The following ST3GAL4 variants were observed in gnomAD, a reference collection of about 807,000 sequenced individuals.
ST3GAL4 encodes ST3 beta-galactoside alpha-2,3-sialyltransferase 4, also known as CMP-N-acetylneuraminate-beta-galactosamide-alpha-2,3-sialyltransferase 4.
In ST3GAL4, 24 loss-of-function variants were observed where a neutral mutation model predicts 42.6. That is an observed-to-expected ratio of 0.56 (90% CI 0.41 to 0.79). The LOEUF is 0.79. Ranked by LOEUF, ST3GAL4 falls within the 30% of genes least tolerant of loss-of-function variation. ST3GAL4 has a pLI of 0.00. For synonymous variants in ST3GAL4, 135 were observed against 163.2 expected (o/e 0.83, Z 1.32); for missense variants, 311 against 430.8 (o/e 0.72, Z 2.46).
chr11:126,401,578 GAA>G (rs373164060), intron 1 of ST3GAL4, among the ~76,000 whole-genome samples: 1 of 139,880 alleles, frequency 7.1e-6, no homozygotes, highest in African/African-American at 2.6e-5. Context: ...AGAAGAAGAA[GAA>G]AAAAAAAAAG....
intron 1 of ST3GAL4, among the ~76,000 whole-genome samples, chr11:126,374,497 GA>G (rs1168570792): frequency 6.6e-6 from 1 of 151,318 alleles, no homozygotes; most frequent in East Asian, 1.9e-4. Flanking sequence ...AGGAAAGCTG[GA>G]TGAAGAGAGA....
chr11:126,379,147 A>G lies in ST3GAL4; in HGVS notation c.-61+23305A>G, dbSNP rs1035980350. ...GCCATTTTCCTGAATTGCTCACTCA[A>G]GTGTGTATGGGAGCAGGTTCTAATA... On this transcript the variant is annotated intron_variant, in intron 1 of 10. Transcript: ENST00000444328. This position sits in a 1 kb window ranked among gnomAD's most constrained non-coding sequence, Gnocchi z 4.2. Among the ~76,000 whole-genome samples the G allele has an allele frequency of 6.6e-6, 1 of 152,206 alleles. No homozygotes were observed. Among genetic ancestry groups the G allele is most frequent in the Non-Finnish European group, 1.5e-5 (1 of 68,044 alleles).
chr11:126,358,407 C>G (rs1952143920), intron 1 of ST3GAL4: 1 of 427,688 alleles, frequency 2.3e-6, no homozygotes, highest in Admixed American at 2.6e-5. Context: ...TTGTTGCCCC[C>G]TTCCCAGAGG....
At chr11:126,364,136 TG>T (rs995546770) in intron 1 of ST3GAL4, among the ~76,000 whole-genome samples, 2 of 152,234 alleles carry the variant, frequency 1.3e-5, no homozygotes, top group African/African-American at 4.8e-5. Context: ...GCAGAGGGAA[TG>T]GGGAACAGCT....
chr11:126,409,873 C>G lies in ST3GAL4; in HGVS notation c.771+462C>G, dbSNP rs1020557462. ...CATGATTTGGTATGGTGTGTCAATTCAGGGAGTCAATGTAGTTTTGCAAGT... is the reference window on the plus strand; with the variant it reads ...CATGATTTGGTATGGTGTGTCAATTGAGGGAGTCAATGTAGTTTTGCAAGT... On this transcript the variant is annotated intron_variant, in intron 9 of 10. Transcript: ENST00000444328. The surrounding 1 kb of genome is among the most constrained non-coding windows in gnomAD (Gnocchi z 4.9). Among the ~76,000 whole-genome samples, 7 of 152,128 alleles carry G rather than the reference C, an allele frequency of 4.6e-5. No individual in the cohort carries two copies. Among genetic ancestry groups the G allele is most frequent in the Admixed American group, 1.3e-4 (2 of 15,264 alleles).
rs1555086243 is a variant in ST3GAL4, at chr11:126,388,679, T to TTTC, written c.-60-17415_-60-17413dup. On this transcript the variant is annotated intron_variant, in intron 1 of 10. Coordinates refer to ENST00000444328, the MANE Select transcript of ST3GAL4 (RefSeq NM_001254757.2). The stretch of plus-strand genomic sequence containing the variant: ...TTTCTTGTTTTTTTTTTTTTTTTTT[T>TTTC]TTCTGATTTACGTGAGCACATCATA... Among the ~76,000 whole-genome samples, 43 of 122,716 alleles carry TTTC rather than the reference T, an allele frequency of 3.5e-4. 1 individual carries two copies. Among genetic ancestry groups the TTTC allele is most frequent in the Non-Finnish European group, 3.8e-4 (23 of 60,366 alleles). The allele number at this position is 122,716 out of a possible 152,430, so 80.5% of individuals were successfully genotyped here.
intron 1 of ST3GAL4, among the ~76,000 whole-genome samples, chr11:126,399,305 T>TTTG (rs1555089348): frequency 7.6e-6 from 1 of 131,890 alleles, no homozygotes; most frequent in Non-Finnish European, 1.6e-5. Flanking sequence ...TTCCTTCTTT[T>TTTG]TTTTTTTTTT....
At chr11:126,399,301 CT>C (rs58479155) in intron 1 of ST3GAL4, among the ~76,000 whole-genome samples, 2 of 87,746 alleles carry the variant, frequency 2.3e-5, no homozygotes, top group African/African-American at 4.5e-5. Context: ...TTCTTTCCTT[CT>C]TTTTTTTTTT....
intron 1 of ST3GAL4, among the ~76,000 whole-genome samples, chr11:126,399,054 A>G (rs917618099): frequency 6.6e-6 from 1 of 152,190 alleles, no homozygotes; most frequent in African/African-American, 2.4e-5. Flanking sequence ...TTCTTGATGA[A>G]TAGCCTCTGG....
At chr11:126,365,485 G>A (rs1952391700) in intron 1 of ST3GAL4, among the ~76,000 whole-genome samples, 1 of 152,174 alleles carries the variant, frequency 6.6e-6, no homozygotes, top group South Asian at 2.1e-4. Context: ...TCTCTGCCCT[G>A]GGATATTCCA....
Position 126,406,279 on chromosome 11 carries a change from G to C in ST3GAL4, c.16+108G>C. On this transcript the variant is annotated intron_variant, in intron 2 of 10. Coordinates refer to ENST00000444328, the MANE Select transcript of ST3GAL4 (RefSeq NM_001254757.2). The surrounding 1 kb of genome is among the most constrained non-coding windows in gnomAD (Gnocchi z 5.4). ...CTGTGGAGGGACAGACAGGGAGCCA[G>C]GGGCCCTTCTCTTCATCTTGAAGGA... 1 of 1,546,654 alleles carries C rather than the reference G, an allele frequency of 6.5e-7. No individual in the cohort carries two copies.
At chr11:126,394,905 C>T (rs1455534894) in intron 1 of ST3GAL4, among the ~76,000 whole-genome samples, 3 of 152,136 alleles carry the variant, frequency 2.0e-5, no homozygotes, top group Non-Finnish European at 4.4e-5. Context: ...AGGTGGAAGC[C>T]TGTCTGGCTC....
At chr11:126,371,794 T>C (rs1952661457) in intron 1 of ST3GAL4, among the ~76,000 whole-genome samples, 1 of 152,230 alleles carries the variant, frequency 6.6e-6, no homozygotes, top group Non-Finnish European at 1.5e-5. Context: ...TGCCCGGAAA[T>C]GCAATCGCCA....
In ST3GAL4 at chr11:126,366,648, T is replaced by G. The variant is rs972497695; in HGVS notation, c.-61+10806T>G. On this transcript the variant is annotated intron_variant, in intron 1 of 10. Transcript: ENST00000444328. This position sits in a 1 kb window ranked among gnomAD's most constrained non-coding sequence, Gnocchi z 4.2. ...CAGCCCCTTTAACCCTGCTGGCTCC[T>G]AATGAGACTTCAGGTGTGGACCCTC... Among the ~76,000 whole-genome samples the G allele has an allele frequency of 6.6e-6, 1 of 152,146 alleles. No individual in the cohort carries two copies. The highest frequency in any genetic ancestry group is 2.4e-5 in the African/African-American group (1 of 41,422).
Position 126,391,207 on chromosome 11 carries a change from G to A in ST3GAL4, c.-60-14889G>A, listed in dbSNP as rs148189383. On this transcript the variant is annotated intron_variant, in intron 1 of 10. Coordinates refer to ENST00000444328, the MANE Select transcript of ST3GAL4 (RefSeq NM_001254757.2). The surrounding 1 kb of genome is among the most constrained non-coding windows in gnomAD (Gnocchi z 5.5). ...CTCAAATATTTTGGGGATATACCCAGAAGTGCAGTTGCTTGATCCTATCCT... is the reference window on the plus strand; with the variant it reads ...CTCAAATATTTTGGGGATATACCCAAAAGTGCAGTTGCTTGATCCTATCCT... Among the ~76,000 whole-genome samples, 1,077 of 151,776 alleles carry A rather than the reference G, an allele frequency of 7.1e-3. 9 individuals carry two copies. The highest frequency in any genetic ancestry group is 0.017 in the Middle Eastern group (5 of 288).
rs1375836048 is a variant in ST3GAL4, at chr11:126,383,047, T to C, written c.-60-23049T>C. Among the ~76,000 whole-genome samples the C allele has an allele frequency of 1.3e-5, 2 of 152,152 alleles. No individual in the cohort carries two copies. Among genetic ancestry groups the C allele is most frequent in the South Asian group, 4.1e-4 (2 of 4,830 alleles). On this transcript the variant is annotated intron_variant, in intron 1 of 10. Coordinates refer to ENST00000444328, the MANE Select transcript of ST3GAL4 (RefSeq NM_001254757.2). The surrounding 1 kb of genome is among the most constrained non-coding windows in gnomAD (Gnocchi z 4.5). Reference sequence around the variant, plus strand: ...GGCCCAGAGGACAGTGAGTGTGTGTTGTGTGGGTGCCAGGCCAGGGAGTGC... The same window carrying C: ...GGCCCAGAGGACAGTGAGTGTGTGTCGTGTGGGTGCCAGGCCAGGGAGTGC...
At chr11:126,403,277 T>C in intron 1 of ST3GAL4, 2 of 632,022 alleles carry the variant, frequency 3.2e-6, no homozygotes, top group South Asian at 6.9e-5. Context: ...TGTAGAACTT[T>C]ACTGGGGAAG....
chr11:126,388,767 CTT>C (rs10683946), intron 1 of ST3GAL4, among the ~76,000 whole-genome samples: 1 of 52,050 alleles, frequency 1.9e-5, no homozygotes, highest in Middle Eastern at 0.018. Context: ...TTTTCAGTGT[CTT>C]TTTTTTTTTT....
intron 1 of ST3GAL4, among the ~76,000 whole-genome samples, chr11:126,368,662 C>G (rs375931924): frequency 4.6e-5 from 7 of 152,170 alleles, no homozygotes; most frequent in Non-Finnish European, 7.4e-5. Flanking sequence ...GGAGCCAGCT[C>G]TACAGAAGCC....
Sources: gnomAD v4.1 joint callset for allele counts (sites outside exome capture counted in the v4.1 genomes callset) on GRCh38, gnomAD v4.1.1 for gene constraint, Gnocchi (gnomAD v3.1) non-coding constraint, MANE v1.5 for transcripts, NCBI Gene and HGNC (gene_info 2026-07-23, HGNC 2026-07-21) for gene names.